Variants in PROSER2 observed in about 807,000 individuals in gnomAD.
The protein encoded by PROSER2 is proline and serine-rich protein 2.
PROSER2 carries 18 observed loss-of-function variants against 14.6 expected under a neutral mutation model. The ratio of observed to expected loss-of-function variants is 1.23; its 90% CI spans 0.85 to 1.83. The LOEUF (loss-of-function observed/expected upper bound fraction) is 1.83. Ranked by LOEUF, PROSER2 falls within the 40% of genes most tolerant of loss-of-function variation. PROSER2 has a pLI of 0.00. For missense variants in PROSER2, 823 were observed against 629.8 expected, an observed-to-expected ratio of 1.31 and a Z score of -3.28; for synonymous variants, 367 against 286.4, an observed-to-expected ratio of 1.28 and a Z score of -2.84.
intron 1 of PROSER2, among the ~76,000 whole-genome samples, chr10:11,827,123 C>T (rs1418100569): frequency 3.4e-5 from 5 of 148,794 alleles, no homozygotes; most frequent in African/African-American, 7.5e-5. Context: ...TGGGTTCAAG[C>T]GATCTTCCCA....
At chr10:11,834,219 T>C (rs1161485396) in intron 1 of PROSER2, among the ~76,000 whole-genome samples, 1 of 150,810 alleles carries the variant, frequency 6.6e-6, no homozygotes, top group Non-Finnish European at 1.5e-5. Flanking sequence ...GATCTCGATC[T>C]TTTGACCTCG....
In PROSER2 at chr10:11,838,729, CT is replaced by C. The variant is rs1161980952; in HGVS notation, c.-81-13261del. Among the ~76,000 whole-genome samples, 3 of 152,196 alleles carry C rather than the reference CT, an allele frequency of 2.0e-5. No homozygotes were observed. Among genetic ancestry groups the C allele is most frequent in the African/African-American group, 4.8e-5 (2 of 41,456 alleles). On this transcript the variant is annotated intron_variant, in intron 1 of 3. Transcript: ENST00000277570. The surrounding 1 kb of genome is among the most constrained non-coding windows in gnomAD (Gnocchi z 4.4). ...AATAATGTAGTAGTTTTAGCTTGCA[CT>C]TTTTTTGTTCACTAGTGAGGTTGAA...
intron 1 of PROSER2, among the ~76,000 whole-genome samples, chr10:11,835,921 T>G (rs1209450902): frequency 1.3e-5 from 2 of 152,152 alleles, no homozygotes; most frequent in African/African-American, 4.8e-5. Flanking sequence ...CAGAAAGAGT[T>G]CCCACCGTGA....
intron 2 of PROSER2, among the ~76,000 whole-genome samples, chr10:11,860,492 T>A (rs1834214900): frequency 6.6e-6 from 1 of 151,952 alleles, no homozygotes; most frequent in East Asian, 2.0e-4. Flanking sequence ...GGCGGGTGCC[T>A]GTAATCCCAG....
At chr10:11,855,949 AG>A (rs1834115918) in intron 2 of PROSER2, among the ~76,000 whole-genome samples, 2 of 152,174 alleles carry the variant, frequency 1.3e-5, no homozygotes, top group South Asian at 4.1e-4. Flanking sequence ...TTTTTGGTAA[AG>A]AATCCTGCCT....
chr10:11,846,107 C>G (rs1477971127), intron 1 of PROSER2, among the ~76,000 whole-genome samples: 1 of 152,172 alleles, frequency 6.6e-6, no homozygotes, highest in Non-Finnish European at 1.5e-5. Flanking sequence ...CTGCCTCAGT[C>G]TCCCAAGTAG....
rs191685008 is a variant in PROSER2 at position 11,847,992 on chromosome 10, T to C, written c.-81-4005T>C. Among the ~76,000 whole-genome samples, 204 of 152,322 alleles carry C rather than the reference T, an allele frequency of 1.3e-3. 1 individual carries two copies. The highest frequency in any genetic ancestry group is 4.6e-3 in the African/African-American group (192 of 41,572). On this transcript the variant is annotated intron_variant, in intron 1 of 3. Coordinates refer to ENST00000277570, the MANE Select transcript of PROSER2 (RefSeq NM_153256.4). ...CAGCATTCCAAAGATAAGGAGATCA[T>C]TTGGTAAGAGTGCGTGTCCCTCCAT...
In PROSER2 at chr10:11,830,679, C is replaced by T. The variant is rs939057343; in HGVS notation, c.-82+7209C>T. ...TCTCTGAGAGAGGTTGATAGCCATT[C>T]CTTGGACTTCTGAAAATAGTAACAT... On this transcript the variant is annotated intron_variant, in intron 1 of 3. Transcript: ENST00000277570. This position sits in a 1 kb window ranked among gnomAD's most constrained non-coding sequence, Gnocchi z 4.5. 6.6e-6 allele frequency among the ~76,000 whole-genome samples: 1 copy of T among 152,140 alleles called. No homozygotes were observed. The highest frequency in any genetic ancestry group is 1.5e-5 in the Non-Finnish European group (1 of 68,022).
rs1834411501 is a variant in PROSER2, at chr10:11,869,170, T to TTACA, written c.392-320_392-319insTACA. On this transcript the variant is annotated intron_variant, in intron 3 of 3. Coordinates refer to ENST00000277570, the MANE Select transcript of PROSER2 (RefSeq NM_153256.4). The surrounding 1 kb of genome is among the most constrained non-coding windows in gnomAD (Gnocchi z 4.4). ...CCCTTTGTAAACTCCCCTGATGAGT[T>TTACA]GGTCACTACTTGCGTCCTGTCCCAG... Among the ~76,000 whole-genome samples, 1 of 152,212 alleles carries TTACA rather than the reference T, an allele frequency of 6.6e-6. No individual in the cohort carries two copies. The highest frequency in any genetic ancestry group is 1.5e-5 in the Non-Finnish European group (1 of 68,038).
intron 1 of PROSER2, among the ~76,000 whole-genome samples, chr10:11,824,897 G>C (rs1185603296): frequency 2.0e-5 from 3 of 152,198 alleles, no homozygotes. Flanking sequence ...GAGCGTGTTT[G>C]AATCTGTGGT....
intron 1 of PROSER2, chr10:11,849,968 G>A (rs958663185): frequency 1.2e-4 from 19 of 152,158 alleles, no homozygotes; most frequent in African/African-American, 3.9e-4. Flanking sequence ...GTTATGTTAC[G>A]GTACAGCAGG....
At chr10:11,847,154 A>AATATAT (rs200913870) in intron 1 of PROSER2, among the ~76,000 whole-genome samples, 15 of 88,246 alleles carry the variant, frequency 1.7e-4, no homozygotes, top group African/African-American at 4.6e-4. Flanking sequence ...AACATAAATA[A>AATATAT]ATATATATAT....
chr10:11,867,914 A>T (rs1834386678), intron 3 of PROSER2, among the ~76,000 whole-genome samples: 1 of 152,216 alleles, frequency 6.6e-6, no homozygotes, highest in Admixed American at 6.5e-5. Context: ...ATGAGGAAAC[A>T]TTACTTTTGC....
rs376390377 is a variant in PROSER2 at position 11,866,717 on chromosome 10, G to A, written c.325G>A (p.Asp109Asn). 2.1e-5 allele frequency: 34 copies of A among 1,613,840 alleles called. No homozygotes were observed. The Admixed American group carries it at 3.2e-4, about 15-fold the overall frequency. ...SSPSEPEDVI[D>N]LVQPAPGAGE... ...TCCCTCCGAGCCTGAAGATGTCATC[G>A]ACTTAGTGCAGCCAGCACCTGGCGC... The change falls in exon 3 of 4, where the codon GAC (aspartate) becomes AAC (asparagine). Residue 109 changes from aspartate to asparagine, a missense_variant. By Grantham distance (23) the Asp-to-Asn change is conservative. Transcript: ENST00000277570. This position sits in a 1 kb window ranked among gnomAD's most constrained non-coding sequence, Gnocchi z 6.0.
intron 2 of PROSER2, among the ~76,000 whole-genome samples, chr10:11,854,243 CT>C (rs1834081028): frequency 6.6e-6 from 1 of 152,234 alleles, no homozygotes; most frequent in African/African-American, 2.4e-5. Context: ...CAGTTGTGTA[CT>C]TTCCTTTAGA....
chr10:11,836,505 G>A lies in PROSER2; in HGVS notation c.-82+13035G>A, dbSNP rs369247320. Among the ~76,000 whole-genome samples, 32 of 152,096 alleles carry A rather than the reference G, an allele frequency of 2.1e-4. No homozygotes were observed. The highest frequency in any genetic ancestry group is 6.7e-4 in the African/African-American group (28 of 41,496). On this transcript the variant is annotated intron_variant, in intron 1 of 3. Coordinates refer to ENST00000277570, the MANE Select transcript of PROSER2 (RefSeq NM_153256.4). This position sits in a 1 kb window ranked among gnomAD's most constrained non-coding sequence, Gnocchi z 4.6. ...AGCCACCACGCCTGGCCAGGATGTC[G>A]CTTTAAAGACAATTTCTTTCCTAAG...
chr10:11,870,425 TCCACCCCGTTTCTCC>T lies in PROSER2; in HGVS notation c.*26_*40del. ...TTCGTGAGGGCCGCGCGGGCTCCAG[TCCACCCCGTTTCTCC>T]CCACCCTGAAGAGAGGGTGAAAGAG... On this transcript the variant is annotated 3_prime_UTR_variant, in exon 4 of 4. Coordinates refer to ENST00000277570, the MANE Select transcript of PROSER2 (RefSeq NM_153256.4). 1 of 1,456,296 alleles carries T rather than the reference TCCACCCCGTTTCTCC, an allele frequency of 6.9e-7. No individual in the cohort carries two copies. Among genetic ancestry groups the T allele is most frequent in the Non-Finnish European group, 9.0e-7 (1 of 1,107,252 alleles). The allele number at this position is 1,456,296 out of a possible 1,614,324, so 90.2% of individuals were successfully genotyped here.
chr10:11,865,260 CA>C lies in PROSER2; in HGVS notation c.139-1270del, dbSNP rs1344229463. Reference sequence around the variant, plus strand: ...TCTTTTAGGCTTTTATTTAGTTTTTCATTTTTTTGTGCTGTTAGTATTTTTT... The same window carrying C: ...TCTTTTAGGCTTTTATTTAGTTTTTCTTTTTTTGTGCTGTTAGTATTTTTT... On this transcript the variant is annotated intron_variant, in intron 2 of 3. Transcript: ENST00000277570. This position sits in a 1 kb window ranked among gnomAD's most constrained non-coding sequence, Gnocchi z 4.2. Among the ~76,000 whole-genome samples the C allele has an allele frequency of 6.6e-6, 1 of 151,152 alleles. No homozygotes were observed. Among genetic ancestry groups the C allele is most frequent in the East Asian group, 1.9e-4 (1 of 5,162 alleles).
At chr10:11,863,400 C>G (rs1369434483) in intron 2 of PROSER2, among the ~76,000 whole-genome samples, 1 of 152,042 alleles carries the variant, frequency 6.6e-6, no homozygotes, top group African/African-American at 2.4e-5. Flanking sequence ...ATTAGCAGGG[C>G]ACAGACGTGC....
Sources: gnomAD v4.1 joint callset for allele counts (sites outside exome capture counted in the v4.1 genomes callset) on GRCh38, gnomAD v4.1.1 for gene constraint, Gnocchi (gnomAD v3.1) non-coding constraint, MANE v1.5 for transcripts, NCBI Gene and HGNC (gene_info 2026-07-23, HGNC 2026-07-21) for gene names.